BTAF1: variants seen among roughly 807,000 people sequenced by gnomAD.
BTAF1 encodes the protein B-TFIID TATA-box binding protein associated factor 1.
BTAF1 carries 38 observed loss-of-function variants against 227.1 expected under a neutral mutation model. The ratio of observed to expected loss-of-function variants is 0.17; its 90% CI spans 0.13 to 0.22. BTAF1 has a LOEUF of 0.22. Ranked by LOEUF, BTAF1 falls within the 10% of genes least tolerant of loss-of-function variation. The pLI is 1.00. For missense variants in BTAF1, 1,598 were observed against 2,204.0 expected (o/e 0.73, Z 5.51); for synonymous variants, 742 against 751.9 (o/e 0.99, Z 0.21).
chr10:92,018,939 T>A lies in BTAF1; in HGVS notation c.4863+4T>A. The A allele has an allele frequency of 1.3e-6, 2 of 1,543,380 alleles. No individual in the cohort carries two copies. Among genetic ancestry groups the A allele is most frequent in the Non-Finnish European group, 1.7e-6 (2 of 1,148,302 alleles). On this transcript the variant is annotated splice_donor_region_variant and intron_variant, in intron 34 of 37. Coordinates refer to ENST00000265990, the MANE Select transcript of BTAF1 (RefSeq NM_003972.3). ...TAAGCTCTCAGCTTTGAAACAAGTATGTATGTCTTTTAAGTGTTAAATGTG... is the reference window on the plus strand; with the variant it reads ...TAAGCTCTCAGCTTTGAAACAAGTAAGTATGTCTTTTAAGTGTTAAATGTG...
rs768069784 is a variant in BTAF1, at chr10:91,924,080, G to A, written c.4G>A (p.Ala2Thr). The part of the protein sequence containing the change: M[A>T]VSRLDRLFIL... ...TCCGAACCGCCGGCGCCCGGCCATG[G>A]CGGTCTCCAGGTGGGTCTTGCTCCT... Residue 2 changes from alanine to threonine, a missense_variant, in exon 1 of 38, where the codon GCG (alanine) becomes ACG (threonine). Physicochemically the swap from Ala to Thr is moderately conservative, Grantham distance 58 (BLOSUM62 0). This residue lies in a region of BTAF1 where 298 missense variants were observed against 395.2 expected (regional missense o/e 0.75). Coordinates refer to ENST00000265990, the MANE Select transcript of BTAF1 (RefSeq NM_003972.3). 1.8e-5 allele frequency: 29 copies of A among 1,608,804 alleles called. No homozygotes were observed. The highest frequency in any genetic ancestry group is 1.7e-6 in the Non-Finnish European group (2 of 1,178,508).
At chr10:91,990,271 T>G (rs1173972369) in intron 20 of BTAF1, among the ~76,000 whole-genome samples, 1 of 152,188 alleles carries the variant, frequency 6.6e-6, no homozygotes, top group Non-Finnish European at 1.5e-5. Context: ...AAAAATATGT[T>G]TATGAACTAG....
At chr10:91,950,617 T>G (rs1845707467) in intron 4 of BTAF1, among the ~76,000 whole-genome samples, 1 of 152,152 alleles carries the variant, frequency 6.6e-6, no homozygotes, top group Non-Finnish European at 1.5e-5. Context: ...ACTTGAGACA[T>G]TTAAAAACCT....
intron 11 of BTAF1, among the ~76,000 whole-genome samples, chr10:91,960,875 A>G (rs532597912): frequency 2.0e-5 from 3 of 152,180 alleles, no homozygotes; most frequent in Non-Finnish European, 4.4e-5. Flanking sequence ...AAAAACTCTG[A>G]TATATTCTGG....
intron 1 of BTAF1, among the ~76,000 whole-genome samples, chr10:91,927,300 G>C (rs983368533): frequency 5.3e-5 from 8 of 151,764 alleles, no homozygotes; most frequent in Admixed American, 2.0e-4. Context: ...CACCACACCC[G>C]GCTAATTTTG....
Position 91,980,473 on chromosome 10 carries a change from T to C in BTAF1, c.1670T>C (p.Ile557Thr), listed in dbSNP as rs1236120273. 1 of 1,612,818 alleles carries C rather than the reference T, an allele frequency of 6.2e-7. No individual in the cohort carries two copies. The highest frequency in any genetic ancestry group is 8.5e-7 in the Non-Finnish European group (1 of 1,179,090). Residue 557 changes from isoleucine to threonine, a missense_variant, in exon 15 of 38, where the codon ATA becomes ACA. Transcript: ENST00000265990. ...TQDQNSSSWLIPILPDMLRHI... is the reference protein window; with the variant it reads ...TQDQNSSSWLTPILPDMLRHI... The stretch of plus-strand genomic sequence containing the variant: ...TTTCAGAACTCTTCATCTTGGCTTA[T>C]ACCTATACTGCCTGATATGCTCCGA...
At chr10:91,932,705 G>A (rs1448772575) in intron 1 of BTAF1, among the ~76,000 whole-genome samples, 1 of 152,216 alleles carries the variant, frequency 6.6e-6, no homozygotes, top group Non-Finnish European at 1.5e-5. Flanking sequence ...TTTCAGAAAA[G>A]GAAGTAATCT....
chr10:91,956,695 C>T (rs775598991), intron 7 of BTAF1, 38 bp downstream of exon 7: 2 of 1,591,192 alleles, frequency 1.3e-6, no homozygotes, highest in Non-Finnish European at 8.5e-7. Flanking sequence ...ATTAAAATTG[C>T]TTATAATCTT....
At chr10:91,956,769 T>C in intron 7 of BTAF1, 112 bp downstream of exon 7, 7 of 1,176,326 alleles carry the variant, frequency 6.0e-6, no homozygotes, top group Non-Finnish European at 8.3e-6. Context: ...GCGGGCGTTA[T>C]CACGAGGTCA....
At chr10:91,936,380 T>C (rs1034967815) in intron 2 of BTAF1, among the ~76,000 whole-genome samples, 6 of 95,770 alleles carry the variant, frequency 6.3e-5, no homozygotes, top group African/African-American at 3.0e-4. Context: ...AGGAGGGGAG[T>C]TGGGGAGGTA....
rs1456321867 is a variant in BTAF1, at chr10:92,016,448, A to C, written c.4693A>C (p.Thr1565Pro). Residue 1565 changes from threonine to proline, a missense_variant, in exon 33 of 38, where the codon ACA (threonine) becomes CCA (proline). Coordinates refer to ENST00000265990, the MANE Select transcript of BTAF1 (RefSeq NM_003972.3). ...AACTGAAAAACCAAAGCTTAAAGCT[A>C]CAGGCCACGTATTCCAGGTATAGAT... ...EETEKPKLKA[T>P]GHVFQALQYL... The C allele has an allele frequency of 3.2e-6, 5 of 1,575,516 alleles. No individual in the cohort carries two copies. Among genetic ancestry groups the C allele is most frequent in the Non-Finnish European group, 4.3e-6 (5 of 1,167,256 alleles).
chr10:91,928,083 A>G (rs1843989865), intron 1 of BTAF1, among the ~76,000 whole-genome samples: 1 of 142,690 alleles, frequency 7.0e-6, no homozygotes. Flanking sequence ...TTTTCTTTTT[A>G]AAGCTATCTC....
intron 25 of BTAF1, among the ~76,000 whole-genome samples, chr10:92,007,022 G>A (rs1485267686): frequency 6.6e-6 from 1 of 151,294 alleles, no homozygotes; most frequent in Admixed American, 6.6e-5. Flanking sequence ...AATTCTTGGA[G>A]TATTAAAGAC....
intron 25 of BTAF1, among the ~76,000 whole-genome samples, chr10:92,004,541 C>T (rs1305786281): frequency 6.6e-6 from 1 of 152,182 alleles, no homozygotes; most frequent in East Asian, 1.9e-4. Context: ...GATCATGGCT[C>T]ACTGCAGCTT....
chr10:91,943,645 A>G (rs1232018982), intron 4 of BTAF1, among the ~76,000 whole-genome samples: 1 of 152,190 alleles, frequency 6.6e-6, no homozygotes, highest in Non-Finnish European at 1.5e-5. Flanking sequence ...GAGAATTAAG[A>G]GGATAATTTG....
intron 19 of BTAF1, among the ~76,000 whole-genome samples, chr10:91,987,112 C>CTTTTTTT (rs11347841): frequency 8.7e-6 from 1 of 114,974 alleles, no homozygotes; most frequent in Non-Finnish European, 1.9e-5. Context: ...CAAAAACTGG[C>CTTTTTTT]TTTTTTTTTT....
Position 91,957,313 on chromosome 10 carries a change from G to A in BTAF1, c.900+20G>A. 1 of 1,583,738 alleles carries A rather than the reference G, an allele frequency of 6.3e-7. No homozygotes were observed. The highest frequency in any genetic ancestry group is 1.3e-5 in the African/African-American group (1 of 74,330). On this transcript the variant is annotated intron_variant, in intron 8 of 37. Transcript: ENST00000265990. ...TGGGAGGTAAGATTTCTTCATTACAGTTTTTCTCAGCTCTATTTTCTGTGC... is the reference window on the plus strand; with the variant it reads ...TGGGAGGTAAGATTTCTTCATTACAATTTTTCTCAGCTCTATTTTCTGTGC...
chr10:91,970,769 C>T (rs1396682029), intron 14 of BTAF1, among the ~76,000 whole-genome samples: 1 of 152,062 alleles, frequency 6.6e-6, no homozygotes. Context: ...AGTTTAATAA[C>T]CTCTACAAAG....
intron 35 of BTAF1, among the ~76,000 whole-genome samples, chr10:92,025,213 T>G (rs1158348782): frequency 2.0e-5 from 3 of 152,154 alleles, no homozygotes; most frequent in Admixed American, 1.3e-4. Context: ...GAAAGAAATT[T>G]AAGGCATCAA....
Sources: gnomAD v4.1 joint callset for allele counts (sites outside exome capture counted in the v4.1 genomes callset) on GRCh38, gnomAD v4.1.1 for gene constraint, gnomAD v4.1.1 regional missense constraint, MANE v1.5 for transcripts, NCBI Gene and HGNC (gene_info 2026-07-23, HGNC 2026-07-21) for gene names.